LIMS1: variants seen among roughly 807,000 people sequenced by gnomAD.
The protein encoded by LIMS1 is LIM zinc finger domain containing 1, also known as LIM and senescent cell antigen-like-containing domain protein 1.
In LIMS1, 18 loss-of-function variants were observed where a neutral mutation model predicts 44.1. The ratio of observed to expected loss-of-function variants is 0.41; its 90% CI spans 0.28 to 0.61. LIMS1 has a LOEUF of 0.61. Among genes scored for constraint, LIMS1 ranks in the 20% least tolerant of loss-of-function variants. The pLI is 0.32. For synonymous variants in LIMS1, 93 were observed against 149.1 expected (o/e 0.62, Z 2.74); for missense variants, 201 against 422.0 (o/e 0.48, Z 4.59).
chr2:108,583,322 C>T lies in LIMS1; in HGVS notation c.32+48728C>T, dbSNP rs138652571. On this transcript the variant is annotated intron_variant, in intron 1 of 9. Coordinates refer to ENST00000544547, the Ensembl canonical transcript of LIMS1. ...CCTCCCAAAGTGCTGGGACCACAGG[C>T]GTAAATCACCACGCCTGGCCCAAAG... Among the ~76,000 whole-genome samples the T allele has an allele frequency of 1.6e-4, 24 of 151,978 alleles. No homozygotes were observed. In the East Asian group the frequency reaches 3.9e-3, roughly 25 times the overall value.
At chr2:108,666,378 A>G (rs1168063077) in intron 2 of LIMS1, among the ~76,000 whole-genome samples, 1 of 137,180 alleles carries the variant, frequency 7.3e-6, no homozygotes, top group Non-Finnish European at 1.5e-5. Flanking sequence ...AGTGCAGTGG[A>G]ACAATCACAG....
At chr2:108,618,183 A>C (rs1015012202) in intron 1 of LIMS1, among the ~76,000 whole-genome samples, 12 of 152,170 alleles carry the variant, frequency 7.9e-5, no homozygotes, top group African/African-American at 2.7e-4. Flanking sequence ...AGATTTTTTT[A>C]GAGTGCTAAA....
At chr2:108,580,036 C>T (rs1028278038) in intron 1 of LIMS1, among the ~76,000 whole-genome samples, 3 of 152,158 alleles carry the variant, frequency 2.0e-5, no homozygotes, top group Admixed American at 1.3e-4. Context: ...TTTACTGGCA[C>T]TGTAGTTTCC....
intron 1 of LIMS1, among the ~76,000 whole-genome samples, chr2:108,642,942 C>T (rs962530865): frequency 1.4e-4 from 21 of 152,162 alleles, no homozygotes; most frequent in African/African-American, 4.8e-4. Context: ...AGTGGGGGCC[C>T]TTAACCAAGC....
At chr2:108,577,090 A>G (rs1259488583) in intron 1 of LIMS1, among the ~76,000 whole-genome samples, 1 of 152,232 alleles carries the variant, frequency 6.6e-6, no homozygotes, top group Non-Finnish European at 1.5e-5. Context: ...AGTGCACTCA[A>G]CATGTTTTAT....
At chr2:108,637,095 A>ATGTGTG (rs1491274223) in intron 1 of LIMS1, among the ~76,000 whole-genome samples, 48 of 81,434 alleles carry the variant, frequency 5.9e-4, no homozygotes. Context: ...CAAAATATAC[A>ATGTGTG]TATATGTGTG....
chr2:108,591,304 C>A (rs1686377926), intron 1 of LIMS1, among the ~76,000 whole-genome samples: 1 of 152,090 alleles, frequency 6.6e-6, no homozygotes, highest in Admixed American at 6.6e-5. Context: ...GTGTGAACAT[C>A]CTGTAGCAAA....
chr2:108,612,897 G>A (rs1379985010), intron 1 of LIMS1, among the ~76,000 whole-genome samples: 1 of 152,180 alleles, frequency 6.6e-6, no homozygotes, highest in Non-Finnish European at 1.5e-5. Flanking sequence ...TAGGTTGTCA[G>A]TGTTGAGAGG....
intron 1 of LIMS1, among the ~76,000 whole-genome samples, chr2:108,609,459 C>G (rs1687466990): frequency 6.6e-6 from 1 of 152,144 alleles, no homozygotes; most frequent in South Asian, 2.1e-4. Context: ...TCTAAACTGC[C>G]CGGCTCCCCG....
At chr2:108,621,505 C>A in intron 1 of LIMS1, 3 of 1,377,040 alleles carry the variant, frequency 2.2e-6, no homozygotes, top group South Asian at 1.2e-5. Context: ...GACATCTAAT[C>A]TAGTAAGTGC....
intron 8 of LIMS1, 49 bp from the exon 9 acceptor site, chr2:108,680,646 C>G (rs1379757388): frequency 6.2e-7 from 1 of 1,608,548 alleles, no homozygotes; most frequent in African/African-American, 1.3e-5. Context: ...GCCCTGCTCC[C>G]CATACTGATG....
chr2:108,601,994 G>A (rs993841727), intron 1 of LIMS1, among the ~76,000 whole-genome samples: 6 of 152,074 alleles, frequency 3.9e-5, no homozygotes, highest in Admixed American at 6.5e-5. Context: ...GTGTTTTATA[G>A]TTTTCATTGT....
At chr2:108,574,143 T>A (rs1685585413) in intron 1 of LIMS1, among the ~76,000 whole-genome samples, 1 of 152,192 alleles carries the variant, frequency 6.6e-6, no homozygotes, top group African/African-American at 2.4e-5. Context: ...TTCAAGGCTT[T>A]AAGTATCTTT....
At chr2:108,597,594 GCA>G (rs1443042908) in intron 1 of LIMS1, among the ~76,000 whole-genome samples, 1 of 151,866 alleles carries the variant, frequency 6.6e-6, no homozygotes, top group Non-Finnish European at 1.5e-5. Flanking sequence ...AGAGACAGAG[GCA>G]CACACACAGA....
intron 1 of LIMS1, among the ~76,000 whole-genome samples, chr2:108,622,521 A>G (rs1440435429): frequency 6.6e-6 from 1 of 152,204 alleles, no homozygotes; most frequent in Admixed American, 6.5e-5. Flanking sequence ...TTAAAGGACT[A>G]TTATTGACAC....
intron 2 of LIMS1, among the ~76,000 whole-genome samples, chr2:108,663,641 C>A (rs1392755670): frequency 2.6e-5 from 4 of 152,108 alleles, no homozygotes; most frequent in Non-Finnish European, 4.4e-5. Flanking sequence ...GGGCTGGGTT[C>A]TTTGTTGGTG....
chr2:108,543,867 T>C (rs1684395868), intron 1 of LIMS1, among the ~76,000 whole-genome samples: 1 of 152,162 alleles, frequency 6.6e-6, no homozygotes, highest in Non-Finnish European at 1.5e-5. Flanking sequence ...TTCATCTGCA[T>C]CTCGTTATTG....
chr2:108,541,160 C>G (rs930797567), intron 1 of LIMS1, among the ~76,000 whole-genome samples: 1 of 152,186 alleles, frequency 6.6e-6, no homozygotes, highest in Non-Finnish European at 1.5e-5. Flanking sequence ...TTTTCCTCCC[C>G]AGAGAGATCC....
intron 1 of LIMS1, among the ~76,000 whole-genome samples, chr2:108,608,539 C>G (rs1687405965): frequency 6.6e-6 from 1 of 152,162 alleles, no homozygotes; most frequent in East Asian, 1.9e-4. Context: ...CTCTTGACCT[C>G]ATGATCTGCC....
Sources: allele counts gnomAD v4.1 joint callset (sites outside exome capture counted in the v4.1 genomes callset), GRCh38; gene constraint gnomAD v4.1.1; transcripts MANE v1.5; gene names NCBI Gene and HGNC (gene_info 2026-07-23, HGNC 2026-07-21).